The following NEK6 variants were observed in gnomAD, a reference collection of about 807,000 sequenced individuals.
NEK6 encodes the protein serine/threonine-protein kinase Nek6.
A neutral mutation model predicts 43.5 loss-of-function variants in NEK6; 27 were observed. The ratio of observed to expected loss-of-function variants is 0.62; its 90% CI spans 0.46 to 0.86. The LOEUF is 0.86. Ranked by LOEUF, NEK6 falls within the 40% of genes least tolerant of loss-of-function variation. The pLI is 0.00. For missense variants in NEK6, 318 were observed against 414.4 expected (o/e 0.77, Z 2.02); for synonymous variants, 167 against 164.1 (o/e 1.02, Z -0.14).
At chr9:124,279,742 C>G (rs927553999) in intron 1 of NEK6, among the ~76,000 whole-genome samples, 2 of 152,194 alleles carry the variant, frequency 1.3e-5, no homozygotes, top group Non-Finnish European at 2.9e-5. Flanking sequence ...TCTTTGAAAC[C>G]CGGCCCCTTA....
intron 7 of NEK6, 70 bp downstream of exon 7, chr9:124,327,515 T>C (rs1056425431): frequency 1.1e-4 from 126 of 1,181,060 alleles, no homozygotes; most frequent in South Asian, 1.2e-4. Context: ...GACGCAAACA[T>C]TCTCCCCACG....
intron 1 of NEK6, among the ~76,000 whole-genome samples, chr9:124,274,914 G>A (rs1288907316): frequency 6.6e-6 from 1 of 152,208 alleles, no homozygotes; most frequent in Non-Finnish European, 1.5e-5. Flanking sequence ...GAAGGCTTTG[G>A]AGACTGGCAT....
chr9:124,342,731 G>A (rs1398442599), intron 8 of NEK6, among the ~76,000 whole-genome samples: 2 of 152,240 alleles, frequency 1.3e-5, no homozygotes, highest in African/African-American at 4.8e-5. Flanking sequence ...CTTGTCCCTG[G>A]GTCAGATGGC....
chr9:124,301,541 G>T (rs889639680), intron 1 of NEK6, among the ~76,000 whole-genome samples: 1 of 152,180 alleles, frequency 6.6e-6, no homozygotes, highest in African/African-American at 2.4e-5. Context: ...ATGGGTATAG[G>T]TGGGGGTGAC....
At chr9:124,263,029 G>A (rs1456775184) in intron 1 of NEK6, 5 of 152,244 alleles carry the variant, frequency 3.3e-5, no homozygotes, top group Non-Finnish European at 5.9e-5. Flanking sequence ...GTGAGTGGCA[G>A]TATGGGAATT....
chr9:124,336,934 G>A (rs748712683), intron 7 of NEK6, among the ~76,000 whole-genome samples: 13 of 151,562 alleles, frequency 8.6e-5, no homozygotes, highest in Non-Finnish European at 1.6e-4. Context: ...ACTTCAACCC[G>A]GAAGGCAGAG....
intron 1 of NEK6, among the ~76,000 whole-genome samples, chr9:124,260,500 C>A (rs1020164506): frequency 4.6e-5 from 7 of 152,134 alleles, no homozygotes; most frequent in African/African-American, 1.7e-4. Flanking sequence ...TTCAAGTGAG[C>A]CTCCTGCCTC....
chr9:124,286,697 G>A (rs547866787), intron 1 of NEK6, among the ~76,000 whole-genome samples: 2 of 152,342 alleles, frequency 1.3e-5, no homozygotes, highest in African/African-American at 4.8e-5. Context: ...GGGGCCAGTT[G>A]TGTCCCATCT....
intron 8 of NEK6, among the ~76,000 whole-genome samples, chr9:124,347,398 C>CCTCAG (rs1829992711): frequency 6.6e-6 from 1 of 152,258 alleles, no homozygotes; most frequent in East Asian, 1.9e-4. Context: ...AGCCTGGGTC[C>CCTCAG]CCCGGGCTGA....
intron 5 of NEK6, among the ~76,000 whole-genome samples, chr9:124,325,764 G>T (rs1834303169): frequency 6.6e-6 from 1 of 152,238 alleles, no homozygotes; most frequent in Non-Finnish European, 1.5e-5. Flanking sequence ...GTTGGAACTG[G>T]GGTTCCTTTT....
At chr9:124,279,523 G>A (rs1226772392) in intron 1 of NEK6, among the ~76,000 whole-genome samples, 2 of 152,070 alleles carry the variant, frequency 1.3e-5, no homozygotes, top group Admixed American at 6.5e-5. Flanking sequence ...GGCTGGTCTC[G>A]AACTCCTGAC....
At chr9:124,277,645 G>T (rs1188488557) in intron 1 of NEK6, among the ~76,000 whole-genome samples, 1 of 152,206 alleles carries the variant, frequency 6.6e-6, no homozygotes, top group Non-Finnish European at 1.5e-5. Flanking sequence ...GCACTGCCTG[G>T]GGAGAGGAAG....
intron 1 of NEK6, among the ~76,000 whole-genome samples, chr9:124,298,896 A>G (rs2119113212): frequency 6.6e-6 from 1 of 152,252 alleles, no homozygotes; most frequent in South Asian, 2.1e-4. Flanking sequence ...CCCTGCAATT[A>G]TTAGCTCTTA....
chr9:124,319,600 G>A (rs758275891), intron 4 of NEK6, among the ~76,000 whole-genome samples: 13 of 152,192 alleles, frequency 8.5e-5, no homozygotes, highest in Non-Finnish European at 1.6e-4. Flanking sequence ...TTACATTTAA[G>A]TCTTCAATCA....
intron 2 of NEK6, among the ~76,000 whole-genome samples, chr9:124,302,732 C>G (rs1318598238): frequency 6.6e-6 from 1 of 152,224 alleles, no homozygotes; most frequent in Non-Finnish European, 1.5e-5. Context: ...CCTCCACTTC[C>G]ACCCTGCTCT....
At position 124,343,058 on chromosome 9, in the gene NEK6, G is replaced by A. The variant is rs376330061; in HGVS notation, c.717+3393G>A. On this transcript the variant is annotated intron_variant, in intron 8 of 9. Transcript: ENST00000320246. This position sits in a 1 kb window ranked among gnomAD's most constrained non-coding sequence, Gnocchi z 5.1. The stretch of plus-strand genomic sequence containing the variant: ...GCCAGGCCTCACTGAATTCTGGCTC[G>A]GGCAGTCCTCCTCCGAGTCCTCATT... Among the ~76,000 whole-genome samples the A allele has an allele frequency of 1.6e-3, 251 of 152,284 alleles. No homozygotes were observed. The highest frequency in any genetic ancestry group is 8.5e-3 in the East Asian group (44 of 5,174).
chr9:124,292,493 CA>C (rs1331561387), intron 1 of NEK6: 6 of 1,536,968 alleles, frequency 3.9e-6, no homozygotes, highest in Non-Finnish European at 5.2e-6. Context: ...GCTTTCCCTG[CA>C]TGGAGGCCAC....
chr9:124,281,487 CTTTTTTTTTT>C (rs759381068), intron 1 of NEK6, among the ~76,000 whole-genome samples: 24 of 102,968 alleles, frequency 2.3e-4, no homozygotes, highest in Admixed American at 6.5e-4. Flanking sequence ...GCTGTTTTTT[CTTTTTTTTTT>C]TTTTTTTTTT....
chr9:124,295,891 T>C (rs1432745829), intron 1 of NEK6, among the ~76,000 whole-genome samples: 4 of 152,236 alleles, frequency 2.6e-5, no homozygotes, highest in Admixed American at 2.0e-4. Flanking sequence ...GGACTCAACT[T>C]TGGCAAGCCA....
Sources: gnomAD v4.1 joint callset for allele counts (sites outside exome capture counted in the v4.1 genomes callset) on GRCh38, gnomAD v4.1.1 for gene constraint, Gnocchi (gnomAD v3.1) non-coding constraint, MANE v1.5 for transcripts, NCBI Gene and HGNC (gene_info 2026-07-23, HGNC 2026-07-21) for gene names.